The following SH3RF2 variants were observed in gnomAD, a reference collection of about 807,000 sequenced individuals.
The protein encoded by SH3RF2 is SH3 domain containing ring finger 2, also known as E3 ubiquitin-protein ligase SH3RF2.
SH3RF2 carries 43 observed loss-of-function variants against 59.0 expected under a neutral mutation model. The ratio of observed to expected loss-of-function variants is 0.73; its 90% confidence interval spans 0.57 to 0.94. The LOEUF (loss-of-function observed/expected upper bound fraction) is 0.94, where lower values mean the gene tolerates loss of function less well. SH3RF2 is among the 40% of genes least tolerant of loss of function. The pLI, the probability that SH3RF2 is intolerant of heterozygous loss-of-function variation, is 0.00. For missense variants in SH3RF2, 930 were observed against 940.1 expected (o/e 0.99, Z 0.14); for synonymous variants, 391 against 391.5 (o/e 1.00, Z 0.01).
rs1485889975 is a variant in SH3RF2 at position 146,049,218 on chromosome 5, C to T, written c.1295C>T (p.Pro432Leu). The stretch of plus-strand genomic sequence containing the variant: ...GTCACCGGGCGAGTCGGCATCTTCC[C>T]AAACAATTACGTCATCCCCATTTTC... ...SLVTGRVGIF[P>L]NNYVIPIFRK... Residue 432 changes from proline to leucine, a missense_variant, in exon 7 of 10, where the codon CCA (proline) becomes CTA (leucine). By Grantham distance (98) the Pro-to-Leu change is moderately conservative. Transcript: ENST00000359120. The T allele has an allele frequency of 6.2e-7, 1 of 1,612,858 alleles. No individual in the cohort carries two copies. Among genetic ancestry groups the T allele is most frequent in the Non-Finnish European group, 8.5e-7 (1 of 1,179,276 alleles).
intron 2 of SH3RF2, among the ~76,000 whole-genome samples, chr5:145,939,705 G>A (rs571204530): frequency 2.6e-5 from 4 of 152,146 alleles, no homozygotes; most frequent in South Asian, 2.1e-4. Context: ...TGGAAATGGC[G>A]AAGTAGGGGT....
intron 5 of SH3RF2, among the ~76,000 whole-genome samples, chr5:146,045,683 T>C (rs1451566198): frequency 6.6e-6 from 1 of 152,266 alleles, no homozygotes; most frequent in Non-Finnish European, 1.5e-5. Context: ...GGCTGAATAA[T>C]ATTTCATTGT....
chr5:146,039,437 G>A (rs756879755), intron 5 of SH3RF2, among the ~76,000 whole-genome samples: 9 of 150,906 alleles, frequency 6.0e-5, no homozygotes, highest in Admixed American at 1.3e-4. Context: ...AGCGGGATAC[G>A]AAGGGCATGA....
intron 5 of SH3RF2, among the ~76,000 whole-genome samples, chr5:146,022,152 T>C (rs1418749991): frequency 6.6e-6 from 1 of 152,260 alleles, no homozygotes; most frequent in Non-Finnish European, 1.5e-5. Context: ...TATCCACTAA[T>C]GGGCCAATCT....
At chr5:145,944,136 C>G (rs1473265076) in intron 2 of SH3RF2, among the ~76,000 whole-genome samples, 1 of 152,254 alleles carries the variant, frequency 6.6e-6, no homozygotes, top group East Asian at 1.9e-4. Flanking sequence ...CAAAATCCAA[C>G]ACTTTTTGAG....
chr5:146,064,787 G>A (rs1357304032), downstream of SH3RF2, among the ~76,000 whole-genome samples: 142 of 21,078 alleles, frequency 6.7e-3, 16 homozygotes, highest in African/African-American at 0.023. Flanking sequence ...AAGGAAGGAA[G>A]GAAGGAAGGA....
At chr5:146,060,264 C>T in intron 9 of SH3RF2, 40 bp downstream of exon 9, 1 of 1,528,540 alleles carries the variant, frequency 6.5e-7, no homozygotes, top group Non-Finnish European at 8.9e-7. Flanking sequence ...CTCTTTCGAT[C>T]CCGTACTATG....
chr5:145,948,145 A>G (rs935765108), intron 2 of SH3RF2, among the ~76,000 whole-genome samples: 2 of 152,190 alleles, frequency 1.3e-5, no homozygotes, highest in Non-Finnish European at 2.9e-5. Flanking sequence ...TCTACATACA[A>G]CCCACTGAGA....
At chr5:145,971,180 C>A (rs1195802883) in intron 2 of SH3RF2, among the ~76,000 whole-genome samples, 1 of 152,194 alleles carries the variant, frequency 6.6e-6, no homozygotes, top group Non-Finnish European at 1.5e-5. Context: ...GAGAACTCTG[C>A]AAGGACCGAT....
intron 5 of SH3RF2, among the ~76,000 whole-genome samples, chr5:146,033,199 G>A (rs1447740826): frequency 6.6e-6 from 1 of 152,170 alleles, no homozygotes; most frequent in East Asian, 1.9e-4. Flanking sequence ...GGAATGTGTG[G>A]CCTCTGACAA....
At chr5:146,037,214 T>C (rs1011934145) in intron 5 of SH3RF2, among the ~76,000 whole-genome samples, 1 of 152,166 alleles carries the variant, frequency 6.6e-6, no homozygotes, top group Non-Finnish European at 1.5e-5. Context: ...CCTCATGAGG[T>C]AGCCACTATT....
chr5:145,988,705 G>A (rs556831299), intron 2 of SH3RF2, among the ~76,000 whole-genome samples: 5 of 152,162 alleles, frequency 3.3e-5, no homozygotes, highest in South Asian at 2.1e-4. Flanking sequence ...TCTGAATGTC[G>A]GATTTAGGGA....
intron 2 of SH3RF2, among the ~76,000 whole-genome samples, chr5:145,964,283 C>G (rs1193571320): frequency 7.7e-6 from 1 of 129,312 alleles, no homozygotes; most frequent in African/African-American, 3.1e-5. Flanking sequence ...TTCCTTCCTT[C>G]CTTCCTTCCT....
chr5:145,965,384 A>T (rs553762090), intron 2 of SH3RF2, among the ~76,000 whole-genome samples: 1 of 152,078 alleles, frequency 6.6e-6, no homozygotes, highest in Non-Finnish European at 1.5e-5. Flanking sequence ...CTGGGGCTTT[A>T]TTAGGCCCAG....
chr5:146,066,727 C>A (rs750622617), downstream of SH3RF2, among the ~76,000 whole-genome samples: 197 of 152,270 alleles, frequency 1.3e-3, 2 homozygotes, highest in Admixed American at 3.8e-3. Context: ...GCAATGGACC[C>A]AAATTCACTT....
intron 5 of SH3RF2, among the ~76,000 whole-genome samples, chr5:146,031,839 A>G (rs1357255500): frequency 6.6e-6 from 1 of 152,130 alleles, no homozygotes; most frequent in African/African-American, 2.4e-5. Flanking sequence ...GTAGCCTCCC[A>G]TATATGGAAA....
intron 3 of SH3RF2, among the ~76,000 whole-genome samples, chr5:146,002,732 C>T (rs143434873): frequency 2.6e-5 from 4 of 152,284 alleles, no homozygotes; most frequent in Admixed American, 2.0e-4. Context: ...GCTCCACCTT[C>T]TGTCAGATTA....
chr5:145,951,305 C>G (rs1431265781), intron 2 of SH3RF2, among the ~76,000 whole-genome samples: 1 of 152,224 alleles, frequency 6.6e-6, no homozygotes, highest in African/African-American at 2.4e-5. Flanking sequence ...GCTGGCTCAT[C>G]TTGCAGCACA....
At position 146,049,142 on chromosome 5, in the gene SH3RF2, G is replaced by A. The variant is rs745427899; in HGVS notation, c.1219G>A (p.Val407Ile). 1.9e-5 allele frequency: 31 copies of A among 1,613,980 alleles called. No homozygotes were observed. The highest frequency in any genetic ancestry group is 1.6e-4 in the Middle Eastern group (1 of 6,084). Residue 407 changes from valine (V) to isoleucine (I), a missense_variant, in exon 7 of 10, where the codon GTC becomes ATC. Coordinates refer to ENST00000359120, the MANE Select transcript of SH3RF2 (RefSeq NM_152550.4). The part of the protein sequence containing the change: ...DELDLQKGEG[V>I]RVLGKCQDGW... ...GCTGGACCTGCAAAAGGGAGAAGGC[G>A]TCAGGGTCCTGGGGAAGTGCCAGGA...
Sources: gnomAD v4.1 joint callset for allele counts (sites outside exome capture counted in the v4.1 genomes callset) on GRCh38, gnomAD v4.1.1 for gene constraint, MANE v1.5 for transcripts, NCBI Gene and HGNC (gene_info 2026-07-23, HGNC 2026-07-21) for gene names.